The following CA10 variants were observed in gnomAD, a reference collection of about 807,000 sequenced individuals.
CA10 encodes the protein carbonic anhydrase-related protein 10.
In CA10, 14 loss-of-function variants were observed where a neutral mutation model predicts 44.2. The ratio of observed to expected loss-of-function variants is 0.32; its 90% CI spans 0.21 to 0.50. CA10 has a LOEUF of 0.50. Ranked by LOEUF, CA10 falls within the 20% of genes least tolerant of loss-of-function variation. CA10 has a pLI of 0.99. For synonymous variants in CA10, 159 were observed against 141.6 expected (o/e 1.12, Z -0.87); for missense variants, 350 against 409.7 (o/e 0.85, Z 1.26).
chr17:51,991,226 A>T (rs534730121), intron 2 of CA10, among the ~76,000 whole-genome samples: 2 of 152,268 alleles, frequency 1.3e-5, no homozygotes, highest in South Asian at 2.1e-4. Flanking sequence ...TTTTCCTTCA[A>T]TATATTTCCT....
At chr17:51,757,985 G>A (rs1160021730) in intron 3 of CA10, among the ~76,000 whole-genome samples, 2 of 152,132 alleles carry the variant, frequency 1.3e-5, no homozygotes, top group African/African-American at 4.8e-5. Flanking sequence ...GAACCAGACT[G>A]GAGCGATCTG....
chr17:51,850,510 T>C (rs1241447805), intron 3 of CA10, among the ~76,000 whole-genome samples: 4 of 152,140 alleles, frequency 2.6e-5, no homozygotes, highest in African/African-American at 7.2e-5. Context: ...GTCTCTGTAA[T>C]AGGTGAGGTC....
intron 4 of CA10, among the ~76,000 whole-genome samples, chr17:51,666,427 A>G (rs1914210159): frequency 6.6e-6 from 1 of 152,232 alleles, no homozygotes; most frequent in Admixed American, 6.5e-5. Flanking sequence ...TTGTACGTGC[A>G]GGGGTAGGGA....
chr17:52,072,030 G>T (rs1987693031), intron 2 of CA10, among the ~76,000 whole-genome samples: 1 of 152,110 alleles, frequency 6.6e-6, no homozygotes, highest in South Asian at 2.1e-4. Context: ...TTAAGAAATG[G>T]CTCTTCCTTA....
intron 2 of CA10, among the ~76,000 whole-genome samples, chr17:51,942,389 A>C (rs1983112728): frequency 1.3e-5 from 2 of 151,920 alleles, no homozygotes; most frequent in African/African-American, 4.8e-5. Context: ...TTGTCCAATA[A>C]ATGTGCAATG....
At chr17:51,862,337 G>A (rs1282190372) in intron 3 of CA10, among the ~76,000 whole-genome samples, 1 of 152,072 alleles carries the variant, frequency 6.6e-6, no homozygotes, top group Non-Finnish European at 1.5e-5. Context: ...TTAGCAGCCA[G>A]TAACAAGAAT....
chr17:51,906,839 T>G (rs1173448368), intron 3 of CA10, among the ~76,000 whole-genome samples: 4 of 152,150 alleles, frequency 2.6e-5, no homozygotes, highest in Admixed American at 2.6e-4. Context: ...TCCATCTGCA[T>G]GTCCTGCTTG....
chr17:51,980,206 T>G (rs919547581), intron 2 of CA10, among the ~76,000 whole-genome samples: 1 of 152,184 alleles, frequency 6.6e-6, no homozygotes, highest in East Asian at 1.9e-4. Context: ...TTTTTTGACT[T>G]TTTAATAAAA....
At chr17:51,703,079 G>A (rs1405169492) in intron 4 of CA10, among the ~76,000 whole-genome samples, 1 of 152,152 alleles carries the variant, frequency 6.6e-6, no homozygotes, top group Non-Finnish European at 1.5e-5. Context: ...AGCTCAGGGA[G>A]GTTAAGTGTC....
intron 2 of CA10, among the ~76,000 whole-genome samples, chr17:52,003,847 T>G (rs992702188): frequency 6.6e-6 from 1 of 151,900 alleles, no homozygotes; most frequent in South Asian, 2.1e-4. Context: ...TTAGTATCTA[T>G]TTCCACTTCT....
chr17:52,054,675 C>A (rs1316495690), intron 2 of CA10, among the ~76,000 whole-genome samples: 1 of 152,038 alleles, frequency 6.6e-6, no homozygotes, highest in Admixed American at 6.6e-5. Flanking sequence ...TTTAAAATTT[C>A]TCTCTTTTGT....
chr17:51,909,042 C>A (rs571350283), intron 3 of CA10, among the ~76,000 whole-genome samples: 1 of 152,258 alleles, frequency 6.6e-6, no homozygotes, highest in East Asian at 1.9e-4. Context: ...GCTTACATTT[C>A]AGGGAAGACT....
rs564520335 is a variant in CA10 at position 51,964,851 on chromosome 17, A to G, written c.137-33719T>C. ...TCATTGTACCTAGAGAAACCTGAAA[A>G]ACAAGAACAAACTGACCCCAAAGCT... On this transcript the variant is annotated intron_variant, in intron 2 of 8. Coordinates refer to ENST00000451037, the MANE Select transcript of CA10 (RefSeq NM_020178.5). Among the ~76,000 whole-genome samples the G allele has an allele frequency of 5.3e-5, 8 of 152,002 alleles. No individual in the cohort carries two copies. The South Asian group carries it at 1.7e-3, about 32-fold the overall frequency.
intron 1 of CA10, among the ~76,000 whole-genome samples, chr17:52,084,068 C>A (rs9907242): frequency 0.43 from 65,878 of 151,878 alleles, 14,705 homozygotes; most frequent in Non-Finnish European, 0.48. Context: ...GACATTCGTG[C>A]CATTTGTGAG....
At chr17:52,092,670 C>T (rs1343406365) in intron 1 of CA10, among the ~76,000 whole-genome samples, 4 of 152,162 alleles carry the variant, frequency 2.6e-5, no homozygotes, top group Non-Finnish European at 5.9e-5. Flanking sequence ...TGCCAGCTCT[C>T]TTTTTCACTT....
chr17:52,143,581 T>C lies in CA10; in HGVS notation c.61+14145A>G, dbSNP rs187249133. Among the ~76,000 whole-genome samples, 46 of 152,236 alleles carry C rather than the reference T, an allele frequency of 3.0e-4. No homozygotes were observed. The South Asian group carries it at 3.3e-3, about 11-fold the overall frequency. On this transcript the variant is annotated intron_variant, in intron 1 of 8. Coordinates refer to ENST00000451037, the MANE Select transcript of CA10 (RefSeq NM_020178.5). ...AGCAACTAATGAAATAATGCCCAAATGCAAAAAGTGATGATGTTCCATGAA... is the reference window on the plus strand; with the variant it reads ...AGCAACTAATGAAATAATGCCCAAACGCAAAAAGTGATGATGTTCCATGAA...
At chr17:51,979,089 CT>C (rs1308345566) in intron 2 of CA10, among the ~76,000 whole-genome samples, 3 of 152,046 alleles carry the variant, frequency 2.0e-5, no homozygotes, top group Non-Finnish European at 4.4e-5. Context: ...GTCTCCTTCT[CT>C]AGGACCTATG....
chr17:52,015,480 C>A (rs1485306232), intron 2 of CA10, among the ~76,000 whole-genome samples: 1 of 151,998 alleles, frequency 6.6e-6, no homozygotes, highest in Non-Finnish European at 1.5e-5. Flanking sequence ...ATGAACAAAT[C>A]CTAAGAAAGT....
At chr17:52,018,635 A>G (rs1986042216) in intron 2 of CA10, among the ~76,000 whole-genome samples, 1 of 152,086 alleles carries the variant, frequency 6.6e-6, no homozygotes, top group Non-Finnish European at 1.5e-5. Context: ...TCGTAGGTAG[A>G]AGAAGCTTGC....
Sources: gnomAD v4.1 joint callset for allele counts (sites outside exome capture counted in the v4.1 genomes callset) on GRCh38, gnomAD v4.1.1 for gene constraint, MANE v1.5 for transcripts, NCBI Gene and HGNC (gene_info 2026-07-23, HGNC 2026-07-21) for gene names.